The following ZNF521 variants were observed in gnomAD, a reference collection of about 807,000 sequenced individuals.
The protein encoded by ZNF521 is LYST-interacting protein 3.
In ZNF521, 14 loss-of-function variants were observed where a neutral mutation model predicts 105.5. That is an observed-to-expected ratio of 0.13 (90% CI 0.09 to 0.21). The LOEUF (loss-of-function observed/expected upper bound fraction) is 0.21, where lower values mean the gene tolerates loss of function less well. Ranked by LOEUF, ZNF521 falls within the 10% of genes least tolerant of loss-of-function variation. The pLI, the probability that ZNF521 is intolerant of heterozygous loss-of-function variation, is 1.00. For synonymous variants in ZNF521, 635 were observed against 606.0 expected, an observed-to-expected ratio of 1.05 and a Z score of -0.70; for missense variants, 1,233 against 1,629.7, an observed-to-expected ratio of 0.76 and a Z score of 4.19.
chr18:25,074,770 C>T (rs1412030003), intron 7 of ZNF521, among the ~76,000 whole-genome samples: 2 of 152,126 alleles, frequency 1.3e-5, no homozygotes, highest in African/African-American at 4.8e-5. Context: ...TCTCCTCTCA[C>T]TTCCTGGGCA....
intron 5 of ZNF521, among the ~76,000 whole-genome samples, chr18:25,178,773 C>T (rs1186183606): frequency 6.6e-6 from 1 of 152,196 alleles, no homozygotes; most frequent in Non-Finnish European, 1.5e-5. Flanking sequence ...ATGACATCAA[C>T]ATCAGGCTTT....
intron 7 of ZNF521, among the ~76,000 whole-genome samples, chr18:25,069,073 G>C (rs1353326029): frequency 6.6e-6 from 1 of 152,168 alleles, no homozygotes; most frequent in African/African-American, 2.4e-5. Context: ...TTTTGGCTTA[G>C]AGCTTTTAGT....
Position 25,349,888 on chromosome 18 carries a change from C to T in ZNF521, c.40+1019G>A, listed in dbSNP as rs577614837. ...CCCCCTGGCCCTCGCCCCGGTTCCC[C>T]GTCCTGCCCGCGCGCCCCTCCTCCG... is the stretch of plus-strand genomic sequence containing the variant. On this transcript the variant is annotated intron_variant, in intron 2 of 7. Coordinates refer to ENST00000361524, the MANE Select transcript of ZNF521 (RefSeq NM_015461.3). Among the ~76,000 whole-genome samples the T allele has an allele frequency of 1.7e-4, 26 of 151,064 alleles. No homozygotes were observed. The East Asian group carries it at 3.5e-3, about 20-fold the overall frequency.
chr18:25,195,729 T>C (rs2035891947), intron 4 of ZNF521, among the ~76,000 whole-genome samples: 1 of 151,770 alleles, frequency 6.6e-6, no homozygotes, highest in African/African-American at 2.4e-5. Flanking sequence ...TTTAGAGATA[T>C]AATTTTTGGC....
intron 5 of ZNF521, among the ~76,000 whole-genome samples, chr18:25,152,838 G>A (rs752490164): frequency 3.3e-5 from 5 of 151,960 alleles, no homozygotes; most frequent in Non-Finnish European, 7.4e-5. Flanking sequence ...TACTTCGCTG[G>A]CATTAATGAA....
intron 5 of ZNF521, among the ~76,000 whole-genome samples, chr18:25,190,210 G>T (rs1053284735): frequency 1.3e-5 from 2 of 151,962 alleles, no homozygotes; most frequent in Non-Finnish European, 2.9e-5. Context: ...CCAAATGCTT[G>T]TTTCTTAATT....
intron 3 of ZNF521, among the ~76,000 whole-genome samples, chr18:25,282,483 G>C (rs1235717280): frequency 6.6e-6 from 1 of 152,136 alleles, no homozygotes; most frequent in African/African-American, 2.4e-5. Flanking sequence ...TGTTTGGAAA[G>C]AGGAAGTCTG....
chr18:25,295,902 T>C (rs1911296051), intron 3 of ZNF521, among the ~76,000 whole-genome samples: 1 of 152,202 alleles, frequency 6.6e-6, no homozygotes, highest in South Asian at 2.1e-4. Flanking sequence ...GTTCTATCCA[T>C]TTAAACTCCC....
chr18:25,091,834 A>G (rs547992712), intron 6 of ZNF521, 116 bp downstream of exon 6: 791 of 1,293,510 alleles, frequency 6.1e-4, no homozygotes, highest in Non-Finnish European at 7.7e-4. Flanking sequence ...CTTCCCCCCA[A>G]ATTGAACTGA....
At chr18:25,190,429 C>A (rs947647712) in intron 5 of ZNF521, among the ~76,000 whole-genome samples, 4 of 152,182 alleles carry the variant, frequency 2.6e-5, no homozygotes, top group South Asian at 4.2e-4. Flanking sequence ...TGAAACCAGT[C>A]GGTGAAAGCA....
chr18:25,200,041 A>G (rs2035965758), intron 4 of ZNF521, among the ~76,000 whole-genome samples: 1 of 152,128 alleles, frequency 6.6e-6, no homozygotes, highest in Non-Finnish European at 1.5e-5. Flanking sequence ...TCATTTATAG[A>G]TTAATTAAGT....
At chr18:25,303,550 C>T (rs932553317) in intron 3 of ZNF521, among the ~76,000 whole-genome samples, 5 of 152,126 alleles carry the variant, frequency 3.3e-5, no homozygotes, top group African/African-American at 1.2e-4. Flanking sequence ...CCCGTCTCGG[C>T]CTCCCAAAGT....
At chr18:25,150,205 T>G (rs953707693) in intron 5 of ZNF521, among the ~76,000 whole-genome samples, 14 of 152,180 alleles carry the variant, frequency 9.2e-5, no homozygotes, top group African/African-American at 3.4e-4. Flanking sequence ...TTGTATGTTC[T>G]CACTCATAAG....
chr18:25,137,676 G>C (rs1358997561), intron 5 of ZNF521, among the ~76,000 whole-genome samples: 1 of 152,096 alleles, frequency 6.6e-6, no homozygotes, highest in African/African-American at 2.4e-5. Flanking sequence ...GACAGACAGA[G>C]CACATGTGTG....
At chr18:25,133,908 G>A (rs537286825) in intron 5 of ZNF521, among the ~76,000 whole-genome samples, 59 of 152,212 alleles carry the variant, frequency 3.9e-4, no homozygotes, top group African/African-American at 1.4e-3. Flanking sequence ...AAAAATAGCT[G>A]TGTTTAATCC....
chr18:25,100,824 T>C (rs1427483102), intron 5 of ZNF521, among the ~76,000 whole-genome samples: 2 of 152,208 alleles, frequency 1.3e-5, no homozygotes, highest in East Asian at 1.9e-4. Context: ...TAAAGTGATA[T>C]ACTGCAGTAC....
At chr18:25,234,150 C>T (rs908264024) in intron 3 of ZNF521, among the ~76,000 whole-genome samples, 8 of 152,150 alleles carry the variant, frequency 5.3e-5, no homozygotes, top group Non-Finnish European at 1.2e-4. Context: ...TCTTTTGGCT[C>T]ACTTAAAAAT....
At chr18:25,064,649 C>T (rs2033005421) in intron 7 of ZNF521, among the ~76,000 whole-genome samples, 1 of 152,310 alleles carries the variant, frequency 6.6e-6, no homozygotes. Flanking sequence ...GTTATCTCTT[C>T]ATCCTTTACA....
chr18:25,230,213 G>A (rs971554920), intron 3 of ZNF521, among the ~76,000 whole-genome samples: 17 of 152,276 alleles, frequency 1.1e-4, no homozygotes, highest in South Asian at 2.1e-4. Flanking sequence ...GTCATAAGGC[G>A]TGGGGATTGA....
Sources: gnomAD v4.1 joint callset for allele counts (sites outside exome capture counted in the v4.1 genomes callset) on GRCh38, gnomAD v4.1.1 for gene constraint, MANE v1.5 for transcripts, NCBI Gene and HGNC (gene_info 2026-07-23, HGNC 2026-07-21) for gene names.